EPM2A: variants seen among roughly 807,000 people sequenced by gnomAD.
EPM2A encodes laforin.
EPM2A carries 21 observed loss-of-function variants against 26.5 expected under a neutral mutation model. The ratio of observed to expected loss-of-function variants is 0.79; its 90% CI spans 0.56 to 1.14. The LOEUF (loss-of-function observed/expected upper bound fraction) is 1.14. EPM2A is among the 50% of genes most tolerant of loss of function. The probability of loss-of-function intolerance (pLI) is 0.00; values close to 1 mark genes in which losing one functional copy is unlikely to be tolerated. For missense variants in EPM2A, 458 were observed against 440.8 expected (o/e 1.04, Z -0.35); for synonymous variants, 217 against 177.6 (o/e 1.22, Z -1.76).
intron 2 of EPM2A, among the ~76,000 whole-genome samples, chr6:145,542,886 G>C (rs184452518): frequency 6.6e-6 from 1 of 152,112 alleles, no homozygotes; most frequent in Non-Finnish European, 1.5e-5. Context: ...AGCCTCCCGC[G>C]TAGCTGGGAT....
chr6:145,414,717 A>G lies in EPM2A; in HGVS notation c.556-30620T>C, dbSNP rs543211658. Among the ~76,000 whole-genome samples, 11 of 152,116 alleles carry G rather than the reference A, an allele frequency of 7.2e-5. No homozygotes were observed. The South Asian group carries it at 2.1e-3, about 29-fold the overall frequency. On this transcript the variant is annotated intron_variant, in intron 4 of 4. Coordinates refer to the EPM2A transcript ENST00000638717. ...GTCTACCCTCTGACCTGCAAGTCCA[A>G]TGTGGATAGCAAATTCTCCTGGACA...
chr6:145,459,952 C>T (rs894670104), intron 4 of EPM2A, among the ~76,000 whole-genome samples: 2 of 152,068 alleles, frequency 1.3e-5, no homozygotes, highest in Non-Finnish European at 2.9e-5. Flanking sequence ...AACAGAGGTC[C>T]AGACCAGTTA....
chr6:145,692,999 T>G (rs774174918), intron 1 of EPM2A, among the ~76,000 whole-genome samples: 4 of 152,098 alleles, frequency 2.6e-5, no homozygotes, highest in Non-Finnish European at 5.9e-5. Flanking sequence ...TAAATTTCTT[T>G]GGGTAGTATG....
At chr6:145,411,683 A>G (rs895787315) in intron 4 of EPM2A, among the ~76,000 whole-genome samples, 1 of 152,206 alleles carries the variant, frequency 6.6e-6, no homozygotes, top group African/African-American at 2.4e-5. Flanking sequence ...ATGGACCATT[A>G]ACCAGCTACA....
intron 1 of EPM2A, among the ~76,000 whole-genome samples, chr6:145,734,111 G>C (rs1776669976): frequency 6.6e-6 from 1 of 152,142 alleles, no homozygotes; most frequent in South Asian, 2.1e-4. Flanking sequence ...CCACTCTGCA[G>C]AAACACTCCC....
intron 1 of EPM2A, 74 bp downstream of exon 1, chr6:145,735,124 A>G: frequency 8.4e-7 from 1 of 1,189,768 alleles, no homozygotes; most frequent in Non-Finnish European, 1.1e-6. Flanking sequence ...GGCCTGCCCG[A>G]GGCCGAGGCC....
At chr6:145,560,487 G>C (rs1049873883) in intron 2 of EPM2A, among the ~76,000 whole-genome samples, 2 of 152,156 alleles carry the variant, frequency 1.3e-5, no homozygotes, top group African/African-American at 4.8e-5. Context: ...CACAAAAGCA[G>C]TATGTAAATA....
chr6:145,621,019 T>C (rs1327652801), downstream of EPM2A, among the ~76,000 whole-genome samples: 1 of 152,214 alleles, frequency 6.6e-6, no homozygotes, highest in Non-Finnish European at 1.5e-5. Flanking sequence ...GTCATCATCA[T>C]GTTGTAATTA....
At chr6:145,443,043 G>A (rs1272695270) in intron 4 of EPM2A, among the ~76,000 whole-genome samples, 1 of 151,762 alleles carries the variant, frequency 6.6e-6, no homozygotes, top group Non-Finnish European at 1.5e-5. Context: ...GTGTGTGTGT[G>A]TGTGTTTTTA....
chr6:145,434,840 GA>G (rs1049438298), intron 4 of EPM2A, among the ~76,000 whole-genome samples: 2 of 152,130 alleles, frequency 1.3e-5, no homozygotes, highest in Non-Finnish European at 2.9e-5. Context: ...ATCTCATGTT[GA>G]AATGTAATCC....
chr6:145,661,476 T>C (rs1474331703), intron 2 of EPM2A, among the ~76,000 whole-genome samples: 1 of 152,226 alleles, frequency 6.6e-6, no homozygotes, highest in African/African-American at 2.4e-5. Flanking sequence ...TTTCTGAAAG[T>C]GAAGAACACC....
chr6:145,386,052 G>T (rs1011927383), intron 4 of EPM2A, among the ~76,000 whole-genome samples: 3 of 151,924 alleles, frequency 2.0e-5, no homozygotes, highest in African/African-American at 7.2e-5. Flanking sequence ...GAACAAAATT[G>T]CTAAAGAGCT....
At chr6:145,582,948 G>A (rs1046416515) in intron 2 of EPM2A, among the ~76,000 whole-genome samples, 6 of 152,046 alleles carry the variant, frequency 3.9e-5, no homozygotes, top group Non-Finnish European at 8.8e-5. Context: ...CTATTCTGTT[G>A]TTAATTCTTG....
chr6:145,713,117 G>C (rs1047595698), intron 1 of EPM2A, among the ~76,000 whole-genome samples: 1 of 152,162 alleles, frequency 6.6e-6, no homozygotes, highest in Non-Finnish European at 1.5e-5. Context: ...ACTTGTAACA[G>C]ATGTGTTAGT....
At chr6:145,541,782 T>C (rs1045434328) in intron 2 of EPM2A, among the ~76,000 whole-genome samples, 4 of 152,112 alleles carry the variant, frequency 2.6e-5, no homozygotes, top group African/African-American at 9.7e-5. Flanking sequence ...AATTTTGATA[T>C]ATTATGAAAA....
intron 1 of EPM2A, among the ~76,000 whole-genome samples, chr6:145,700,138 A>G (rs992141959): frequency 2.6e-5 from 4 of 152,206 alleles, no homozygotes; most frequent in African/African-American, 9.6e-5. Flanking sequence ...AGTTTATTAT[A>G]CTATGACTAA....
intron 4 of EPM2A, among the ~76,000 whole-genome samples, chr6:145,419,180 T>G (rs9390320): frequency 2.1e-4 from 6 of 29,256 alleles, no homozygotes; most frequent in South Asian, 1.3e-3. Flanking sequence ...CTGTTAAATG[T>G]CCCCCCCCCC....
intron 4 of EPM2A, among the ~76,000 whole-genome samples, chr6:145,483,483 C>T (rs753873698): frequency 1.3e-5 from 2 of 152,080 alleles, no homozygotes; most frequent in African/African-American, 2.4e-5. Context: ...AATCATCAAT[C>T]TGCCATGTCC....
At chr6:145,668,688 T>A (rs972785298) in intron 2 of EPM2A, among the ~76,000 whole-genome samples, 1 of 152,162 alleles carries the variant, frequency 6.6e-6, no homozygotes, top group African/African-American at 2.4e-5. Flanking sequence ...AGTACCTCCA[T>A]GGCTTTCGTT....
Sources: allele counts gnomAD v4.1 joint callset (sites outside exome capture counted in the v4.1 genomes callset), GRCh38; gene constraint gnomAD v4.1.1; transcripts MANE v1.5; gene names NCBI Gene and HGNC (gene_info 2026-07-23, HGNC 2026-07-21).